Variants in MAGI2 observed in about 807,000 individuals in gnomAD.
MAGI2 encodes membrane-associated guanylate kinase, WW and PDZ domain-containing protein 2.
Under a neutral mutation model 133.3 loss-of-function variants are expected in MAGI2, and 35 were observed. The observed-to-expected ratio is 0.26, with a 90% CI of 0.20 to 0.35. The LOEUF (loss-of-function observed/expected upper bound fraction) is 0.35. Among genes scored for constraint, MAGI2 ranks in the 10% least tolerant of loss-of-function variants. The pLI, the probability that MAGI2 is intolerant of heterozygous loss-of-function variation, is 1.00. For missense variants in MAGI2, 1,636 were observed against 1,863.4 expected (o/e 0.88, Z 2.25); for synonymous variants, 729 against 710.6 (o/e 1.03, Z -0.41).
intron 6 of MAGI2, among the ~76,000 whole-genome samples, chr7:78,430,929 G>A (rs1351778297): frequency 6.6e-6 from 1 of 152,102 alleles, no homozygotes; most frequent in Non-Finnish European, 1.5e-5. Flanking sequence ...CTGAGAGAAA[G>A]TTCCATCAAG....
chr7:79,320,054 G>A (rs1839049384), intron 1 of MAGI2, among the ~76,000 whole-genome samples: 1 of 152,082 alleles, frequency 6.6e-6, no homozygotes, highest in East Asian at 1.9e-4. Flanking sequence ...AGGAAATTCA[G>A]TGGTATGTCT....
intron 9 of MAGI2, among the ~76,000 whole-genome samples, chr7:78,307,010 TG>T (rs1798293554): frequency 6.6e-6 from 1 of 152,154 alleles, no homozygotes; most frequent in Non-Finnish European, 1.5e-5. Context: ...AAATATACCC[TG>T]GAAAATTAAA....
chr7:79,201,208 T>C (rs1828583469), intron 1 of MAGI2, among the ~76,000 whole-genome samples: 1 of 152,068 alleles, frequency 6.6e-6, no homozygotes, highest in South Asian at 2.1e-4. Context: ...AAGTTGTCAG[T>C]AATGGGAAGA....
At chr7:78,205,394 A>T (rs1829639321) in intron 10 of MAGI2, among the ~76,000 whole-genome samples, 1 of 152,220 alleles carries the variant, frequency 6.6e-6, no homozygotes, top group Non-Finnish European at 1.5e-5. Flanking sequence ...AGCCTCCCAA[A>T]GTGCTGGGAT....
chr7:78,084,067 A>T (rs1201442972), intron 20 of MAGI2, among the ~76,000 whole-genome samples: 2 of 152,210 alleles, frequency 1.3e-5, no homozygotes, highest in Non-Finnish European at 2.9e-5. Context: ...ACCTGGTTGT[A>T]ATCAGTTAAT....
chr7:79,363,458 A>C (rs1001944554), intron 1 of MAGI2, among the ~76,000 whole-genome samples: 6 of 150,954 alleles, frequency 4.0e-5, no homozygotes, highest in African/African-American at 1.5e-4. Flanking sequence ...AGATATAAAA[A>C]AAAATCTATT....
intron 1 of MAGI2, among the ~76,000 whole-genome samples, chr7:79,172,198 C>A (rs1387047441): frequency 6.6e-6 from 1 of 152,000 alleles, no homozygotes; most frequent in East Asian, 1.9e-4. Flanking sequence ...ATGGAAAATA[C>A]AATAAAAAAT....
intron 1 of MAGI2, among the ~76,000 whole-genome samples, chr7:79,148,599 C>T (rs1327480779): frequency 6.6e-6 from 1 of 152,024 alleles, no homozygotes; most frequent in East Asian, 1.9e-4. Context: ...CTGTGTAATC[C>T]TTTGTCCCAT....
chr7:78,281,697 T>G (rs1795600037), intron 9 of MAGI2, among the ~76,000 whole-genome samples: 1 of 126,248 alleles, frequency 7.9e-6, no homozygotes, highest in African/African-American at 2.7e-5. Context: ...ATTAATTCAT[T>G]TGTGAACTCA....
chr7:78,938,259 G>C (rs1800678071), intron 2 of MAGI2, among the ~76,000 whole-genome samples: 1 of 152,014 alleles, frequency 6.6e-6, no homozygotes, highest in African/African-American at 2.4e-5. Flanking sequence ...AACATACAAA[G>C]AGATATTGAA....
chr7:78,029,543 T>C (rs1809334999), intron 21 of MAGI2, among the ~76,000 whole-genome samples: 2 of 152,244 alleles, frequency 1.3e-5, no homozygotes, highest in South Asian at 2.1e-4. Context: ...CTGCTTTTGT[T>C]AGTCAAGTAG....
chr7:78,772,212 A>G (rs1825650529), intron 2 of MAGI2, among the ~76,000 whole-genome samples: 1 of 152,252 alleles, frequency 6.6e-6, no homozygotes. Context: ...TAGAAAAGAT[A>G]CGTAATCTGC....
intron 6 of MAGI2, among the ~76,000 whole-genome samples, chr7:78,421,424 T>C (rs1249341739): frequency 6.6e-5 from 10 of 152,218 alleles, no homozygotes; most frequent in Admixed American, 6.5e-4. Flanking sequence ...TTTAAGGGAC[T>C]TTGAAAAGAT....
chr7:79,101,367 A>G (rs1387284180), intron 1 of MAGI2, among the ~76,000 whole-genome samples: 1 of 152,128 alleles, frequency 6.6e-6, no homozygotes, highest in South Asian at 2.1e-4. Context: ...TATCCTGACT[A>G]TGTGATATCA....
chr7:78,072,668 C>T (rs1814835968), intron 21 of MAGI2: 1 of 374,768 alleles, frequency 2.7e-6, no homozygotes. Context: ...ATACTTATAA[C>T]ATTTACTTGG....
At chr7:78,628,133 A>G (rs937819601) in intron 2 of MAGI2, among the ~76,000 whole-genome samples, 16 of 152,210 alleles carry the variant, frequency 1.1e-4, no homozygotes, top group African/African-American at 3.6e-4. Flanking sequence ...CCAGTTTGTG[A>G]GGCAAGAGCA....
intron 20 of MAGI2, among the ~76,000 whole-genome samples, chr7:78,114,100 A>G (rs1324444943): frequency 2.6e-5 from 4 of 152,184 alleles, no homozygotes; most frequent in South Asian, 2.1e-4. Flanking sequence ...CAGTATTTGA[A>G]TATGTCTGTC....
chr7:78,475,153 T>C (rs1356268902), intron 6 of MAGI2, among the ~76,000 whole-genome samples: 1 of 152,010 alleles, frequency 6.6e-6, no homozygotes, highest in Non-Finnish European at 1.5e-5. Flanking sequence ...ATCTGAATCT[T>C]GTGTGTATGC....
At chr7:78,936,088 A>G (rs976378956) in intron 2 of MAGI2, among the ~76,000 whole-genome samples, 7 of 152,278 alleles carry the variant, frequency 4.6e-5, no homozygotes, top group Admixed American at 1.3e-4. Context: ...TGTAAATTAC[A>G]TGAATATTAA....
Sources: allele counts gnomAD v4.1 joint callset (sites outside exome capture counted in the v4.1 genomes callset), GRCh38; gene constraint gnomAD v4.1.1; transcripts MANE v1.5; gene names NCBI Gene and HGNC (gene_info 2026-07-23, HGNC 2026-07-21).